Variants in DLGAP2 observed in about 807,000 individuals in gnomAD.
DLGAP2 encodes DLG associated protein 2.
A neutral mutation model predicts 100.3 loss-of-function variants in DLGAP2; 26 were observed. That is an observed-to-expected ratio of 0.26 (90% CI 0.19 to 0.36). DLGAP2 has a LOEUF of 0.36. Among genes scored for constraint, DLGAP2 ranks in the 10% least tolerant of loss-of-function variants. The pLI is 1.00. For missense variants in DLGAP2, 1,858 were observed against 1,453.2 expected (o/e 1.28, Z -4.53); for synonymous variants, 886 against 630.1 (o/e 1.41, Z -6.08).
chr8:1,121,582 C>G (rs1395106459), intron 2 of DLGAP2, among the ~76,000 whole-genome samples: 2 of 152,126 alleles, frequency 1.3e-5, no homozygotes, highest in African/African-American at 4.8e-5. Context: ...GAACCCATGA[C>G]CTCCCATCCT....
intron 1 of DLGAP2, among the ~76,000 whole-genome samples, chr8:832,516 G>C (rs4735821): frequency 0.99 from 151,363 of 152,364 alleles, 75,197 homozygotes; most frequent in Middle Eastern, 1. Context: ...TTGTCTCTGC[G>C]TCTGATTGGT....
chr8:748,311 T>C (rs1563409873), intron 1 of DLGAP2, among the ~76,000 whole-genome samples: 1 of 150,826 alleles, frequency 6.6e-6, no homozygotes, highest in Non-Finnish European at 1.5e-5. Context: ...CGTGGGGGAC[T>C]CCGTGGTGGG....
chr8:1,178,584 CT>C (rs372123389), intron 2 of DLGAP2, among the ~76,000 whole-genome samples: 1 of 151,548 alleles, frequency 6.6e-6, no homozygotes, highest in Non-Finnish European at 1.5e-5. Flanking sequence ...AGACATCTCT[CT>C]TTTTTTTAGG....
chr8:823,326 A>AT (rs1796623658), intron 1 of DLGAP2, among the ~76,000 whole-genome samples: 1 of 151,578 alleles, frequency 6.6e-6, no homozygotes, highest in Admixed American at 6.6e-5. Context: ...TATTATTATT[A>AT]TTATTATTAT....
intron 2 of DLGAP2, among the ~76,000 whole-genome samples, chr8:1,190,936 A>G (rs1797621117): frequency 6.6e-6 from 1 of 152,100 alleles, no homozygotes. Context: ...AAGCCGTCCC[A>G]TGGTGCGACA....
intron 3 of DLGAP2, among the ~76,000 whole-genome samples, chr8:1,313,000 C>T (rs1800647948): frequency 6.6e-6 from 1 of 152,230 alleles, no homozygotes; most frequent in Non-Finnish European, 1.5e-5. Flanking sequence ...TGCAGAACCC[C>T]AGATGTCCTG....
intron 2 of DLGAP2, among the ~76,000 whole-genome samples, chr8:1,233,351 T>C (rs2091948689): frequency 6.6e-6 from 1 of 152,224 alleles, no homozygotes. Flanking sequence ...GCCTGTGCTC[T>C]AAGAAGCCTT....
At chr8:983,828 C>A (rs74739272) in intron 2 of DLGAP2, among the ~76,000 whole-genome samples, 2,310 of 151,874 alleles carry the variant, frequency 0.015, 32 homozygotes, top group Middle Eastern at 0.027. Context: ...TTTGTAGAGA[C>A]CAGGTCTCGC....
intron 8 of DLGAP2, among the ~76,000 whole-genome samples, chr8:1,642,029 G>C (rs192268424): frequency 0.013 from 283 of 22,158 alleles, 59 homozygotes; most frequent in Middle Eastern, 0.05. Flanking sequence ...TGTCACCCTC[G>C]ACCCTGCCGG....
chr8:779,266 G>C (rs1221162779), intron 1 of DLGAP2, among the ~76,000 whole-genome samples: 1 of 152,272 alleles, frequency 6.6e-6, no homozygotes, highest in South Asian at 2.1e-4. Context: ...GATGAACCTG[G>C]TACCTCAGAT....
At chr8:1,455,839 A>C (rs1311687199) in intron 3 of DLGAP2, among the ~76,000 whole-genome samples, 4 of 152,186 alleles carry the variant, frequency 2.6e-5, no homozygotes, top group Admixed American at 1.3e-4. Flanking sequence ...CGTTCCAGGC[A>C]GACCACAGAC....
intron 7 of DLGAP2, among the ~76,000 whole-genome samples, chr8:1,629,801 A>G (rs932241224): frequency 6.6e-6 from 1 of 152,204 alleles, no homozygotes; most frequent in African/African-American, 2.4e-5. Flanking sequence ...CTTTCAATTA[A>G]ATGGATCTCA....
chr8:1,354,425 A>G (rs1801802495), intron 3 of DLGAP2, among the ~76,000 whole-genome samples: 1 of 152,332 alleles, frequency 6.6e-6, no homozygotes, highest in East Asian at 1.9e-4. Context: ...AGGCACCAGA[A>G]TCACTTGAAC....
chr8:1,579,912 G>T (rs1409742182), intron 6 of DLGAP2, among the ~76,000 whole-genome samples: 2 of 152,200 alleles, frequency 1.3e-5, no homozygotes, highest in African/African-American at 4.8e-5. Flanking sequence ...CTCTGGAGGA[G>T]GTAAAGTGTG....
chr8:955,145 GCAGGTCTT>G (rs1799568120), intron 2 of DLGAP2, among the ~76,000 whole-genome samples: 1 of 151,936 alleles, frequency 6.6e-6, no homozygotes, highest in African/African-American at 2.4e-5. Context: ...TCATCACCTG[GCAGGTCTT>G]CATGCTCATG....
chr8:1,170,556 T>C (rs1455249773), intron 2 of DLGAP2, among the ~76,000 whole-genome samples: 2 of 148,316 alleles, frequency 1.3e-5, no homozygotes, highest in African/African-American at 5.0e-5. Flanking sequence ...TGCCACAATT[T>C]CAGCTCCTGT....
chr8:773,289 G>GC (rs1157012365), intron 1 of DLGAP2, among the ~76,000 whole-genome samples: 2 of 151,484 alleles, frequency 1.3e-5, no homozygotes, highest in Non-Finnish European at 2.9e-5. Context: ...TTGGATCAGG[G>GC]CCCCATCCTC....
intron 2 of DLGAP2, among the ~76,000 whole-genome samples, chr8:1,081,997 G>A (rs1803827303): frequency 6.6e-6 from 1 of 152,116 alleles, no homozygotes; most frequent in African/African-American, 2.4e-5. Context: ...AAAGAAGACA[G>A]CGAAACTGTC....
intron 1 of DLGAP2, among the ~76,000 whole-genome samples, chr8:747,550 C>A (rs1467648213): frequency 2.0e-5 from 1 of 50,034 alleles, no homozygotes; most frequent in Non-Finnish European, 3.8e-5. Flanking sequence ...GGACGGGGCG[C>A]AGGGCGGGGG....
Sources: gnomAD v4.1 joint callset for allele counts (sites outside exome capture counted in the v4.1 genomes callset) on GRCh38, gnomAD v4.1.1 for gene constraint, MANE v1.5 for transcripts, NCBI Gene and HGNC (gene_info 2026-07-23, HGNC 2026-07-21) for gene names.